TMEM8B: variants seen among roughly 807,000 people sequenced by gnomAD.
TMEM8B encodes nasopharyngeal carcinoma expressed 6.
In TMEM8B, 29 loss-of-function variants were observed where a neutral mutation model predicts 49.3. That is an observed-to-expected ratio of 0.59 (90% confidence interval 0.44 to 0.80). The LOEUF is 0.80. Ranked by LOEUF, TMEM8B falls within the 30% of genes least tolerant of loss-of-function variation. The pLI is 0.00. For missense variants in TMEM8B, 575 were observed against 658.5 expected, an observed-to-expected ratio of 0.87 and a Z score of 1.39; for synonymous variants, 264 against 272.8, an observed-to-expected ratio of 0.97 and a Z score of 0.32.
In TMEM8B at chr9:35,842,536, A is replaced by G; in HGVS notation, c.1454A>G (p.Glu485Gly). ...AEGPGTTSPP[E>G]HCWPVRPTLR... ...GGGCCTGGGACCACGTCCCCACCCG[A>G]GCACTGCTGGCCAGTGCGCCCGACT... The change falls in exon 6 of 13, where the codon GAG (glutamate) becomes GGG (glycine). Residue 485 changes from glutamate to glycine, a missense_variant. Glu to Gly is a moderately conservative substitution (Grantham distance 98, BLOSUM62 -2). Transcript: ENST00000643932. The surrounding 1 kb of genome is among the most constrained non-coding windows in gnomAD (Gnocchi z 5.6). 6.2e-7 allele frequency: 1 copy of G among 1,614,090 alleles called. No individual in the cohort carries two copies. The highest frequency in any genetic ancestry group is 1.1e-5 in the South Asian group (1 of 91,066).
intron 3 of TMEM8B, among the ~76,000 whole-genome samples, chr9:35,840,203 G>A (rs1830835067): frequency 6.6e-6 from 1 of 152,222 alleles, no homozygotes; most frequent in Admixed American, 6.5e-5. Context: ...AGGAGCTGGG[G>A]ATTTTCTCCA....
intron 10 of TMEM8B, among the ~76,000 whole-genome samples, chr9:35,847,950 CCATGTGACATG>C: frequency 6.6e-6 from 1 of 152,324 alleles, no homozygotes; most frequent in East Asian, 1.9e-4. Flanking sequence ...GCTCTTGGCA[CCATGTGACATG>C]CATGTGAGCA....
intron 2 of TMEM8B, 26 bp downstream of exon 2, chr9:35,834,676 C>T: frequency 2.4e-6 from 1 of 415,662 alleles, no homozygotes; most frequent in East Asian, 3.6e-5. Flanking sequence ...AATTTCCCAA[C>T]CCCACTTCCA....
At chr9:35,850,721 G>A (rs1483019143) in intron 10 of TMEM8B, among the ~76,000 whole-genome samples, 1 of 152,130 alleles carries the variant, frequency 6.6e-6, no homozygotes, top group Non-Finnish European at 1.5e-5. Context: ...TCAATGTTTA[G>A]TGATTCAGCT....
intron 6 of TMEM8B, chr9:35,845,300 C>A: frequency 1.4e-6 from 1 of 714,184 alleles, no homozygotes; most frequent in Non-Finnish European, 1.7e-6. Context: ...CTTTATTTTC[C>A]TGTCCTGATT....
In TMEM8B at chr9:35,861,815, A is replaced by T. The variant is rs1486089970; in HGVS notation, c.*7975A>T. ...ATCATCAGCTACAGGTGCCTCCTCTATCTACAGGTTCCTGCTCCATCTATA... is the reference window on the plus strand; with the variant it reads ...ATCATCAGCTACAGGTGCCTCCTCTTTCTACAGGTTCCTGCTCCATCTATA... On this transcript the variant is annotated 3_prime_UTR_variant, in exon 13 of 13. Coordinates refer to ENST00000643932, the MANE Select transcript of TMEM8B (RefSeq NM_001042590.4). 2.0e-5 allele frequency: 3 copies of T among 152,210 alleles called. No homozygotes were observed. Among genetic ancestry groups the T allele is most frequent in the Non-Finnish European group, 1.5e-5 (1 of 68,068 alleles). 9.4% of individuals were successfully genotyped at this position (152,210 alleles called of 1,614,324 possible).
In TMEM8B at chr9:35,856,200, C is replaced by T. The variant is rs1042764068; in HGVS notation, c.*2360C>T. On this transcript the variant is annotated 3_prime_UTR_variant, in exon 13 of 13. Transcript: ENST00000643932. ...TCCCTTCCCTGAGATTTTCATCACTCCCTGTGGTCTTCAGTCAGTAAAGCT... is the reference window on the plus strand; with the variant it reads ...TCCCTTCCCTGAGATTTTCATCACTTCCTGTGGTCTTCAGTCAGTAAAGCT... 1.3e-5 allele frequency: 2 copies of T among 152,232 alleles called. No homozygotes were observed. The highest frequency in any genetic ancestry group is 1.3e-4 in the Admixed American group (2 of 15,286). 9.4% of individuals were successfully genotyped at this position (152,232 alleles called of 1,614,324 possible).
In TMEM8B at chr9:35,865,338, G is replaced by A. The variant is rs2132435914; in HGVS notation, c.*11498G>A. 1 of 152,272 alleles carries A rather than the reference G, an allele frequency of 6.6e-6. No homozygotes were observed. Among genetic ancestry groups the A allele is most frequent in the Non-Finnish European group, 1.5e-5 (1 of 68,030 alleles). 9.4% of individuals were successfully genotyped at this position (152,272 alleles called of 1,614,324 possible). ...GTGGGAGACACCGAGTACAGGCGAG[G>A]GACTTTATTAGGTCAGGGATTTAAT... On this transcript the variant is annotated 3_prime_UTR_variant, in exon 13 of 13. Coordinates refer to ENST00000643932, the MANE Select transcript of TMEM8B (RefSeq NM_001042590.4).
In TMEM8B at chr9:35,852,879, ACG is replaced by A; in HGVS notation, c.2229_2230del (p.Tyr743Ter). On this transcript the variant is annotated stop_gained and frameshift_variant, in exon 11 of 13. Transcript: ENST00000643932. LOFTEE classifies it high-confidence loss of function. The stretch of plus-strand genomic sequence containing the variant: ...ATCGTGGTTTTCTGCATCATGGACT[ACG>A]ATGTGCTGCAGTTCTGTGATTTCCT... 6.2e-7 allele frequency: 1 copy of A among 1,614,094 alleles called. No homozygotes were observed.
chr9:35,861,463 G>A lies in TMEM8B; in HGVS notation c.*7623G>A, dbSNP rs1832652755. 1 of 152,932 alleles carries A rather than the reference G, an allele frequency of 6.5e-6. No individual in the cohort carries two copies. Among genetic ancestry groups the A allele is most frequent in the South Asian group, 2.1e-4 (1 of 4,836 alleles). 9.5% of individuals were successfully genotyped at this position (152,932 alleles called of 1,614,324 possible). Reference sequence around the variant, plus strand: ...CCACTGCCCTTGGCCATCCCTCTGTGTCATTGTGCGCTGTGGTGCACCTGT... The same window carrying A: ...CCACTGCCCTTGGCCATCCCTCTGTATCATTGTGCGCTGTGGTGCACCTGT... On this transcript the variant is annotated 3_prime_UTR_variant, in exon 13 of 13. Coordinates refer to ENST00000643932, the MANE Select transcript of TMEM8B (RefSeq NM_001042590.4).
rs377460934 is a variant in TMEM8B, at chr9:35,834,031, TACACACACACACACAC to T, written c.509-405_509-390del. Reference sequence around the variant, plus strand: ...AGTGGCTTAAGACGCCATGCCAAAATACACACACACACACACACACACACACACACACACACACACC... The same window carrying T: ...AGTGGCTTAAGACGCCATGCCAAAATACACACACACACACACACACACACC... On this transcript the variant is annotated intron_variant, in intron 1 of 12. Transcript: ENST00000643932. Among the ~76,000 whole-genome samples the T allele has an allele frequency of 7.2e-5, 10 of 138,408 alleles. No individual in the cohort carries two copies. In the South Asian group the frequency reaches 7.4e-4, roughly 10 times the overall value. 90.8% of individuals were successfully genotyped at this position (138,408 alleles called of 152,430 possible).
chr9:35,842,533 C>T lies in TMEM8B; in HGVS notation c.1451C>T (p.Pro484Leu). 1 of 1,614,092 alleles carries T rather than the reference C, an allele frequency of 6.2e-7. No homozygotes were observed. Among genetic ancestry groups the T allele is most frequent in the Non-Finnish European group, 8.5e-7 (1 of 1,179,994 alleles). ...PAEGPGTTSPPEHCWPVRPTL... is the reference protein window; with the variant it reads ...PAEGPGTTSPLEHCWPVRPTL... ...GAGGGGCCTGGGACCACGTCCCCAC[C>T]CGAGCACTGCTGGCCAGTGCGCCCG... The change falls in exon 6 of 13, where the codon CCC becomes CTC. Residue 484 changes from proline (P) to leucine (L), a missense_variant. By Grantham distance (98) the Pro-to-Leu change is moderately conservative. Transcript: ENST00000643932. The surrounding 1 kb of genome is among the most constrained non-coding windows in gnomAD (Gnocchi z 5.6).
intron 10 of TMEM8B, among the ~76,000 whole-genome samples, chr9:35,848,679 T>TTC (rs1831854477): frequency 6.7e-6 from 1 of 149,330 alleles, no homozygotes; most frequent in Non-Finnish European, 1.5e-5. Context: ...TTTTTTCTTT[T>TTC]TTTTTTTTTT....
rs1397585145 is a variant in TMEM8B, at chr9:35,829,251, C to G, written c.-197C>G. On this transcript the variant is annotated 5_prime_UTR_variant, in exon 1 of 13. Transcript: ENST00000643932. ...TCACGCCGACGTCAAGTCGAGGCCG[C>G]CGCCGCGGGGCCTGGTTATCGCCGG... The G allele has an allele frequency of 5.7e-6, 2 of 350,906 alleles. No individual in the cohort carries two copies. Among genetic ancestry groups the G allele is most frequent in the Non-Finnish European group, 1.0e-5 (2 of 194,586 alleles). The allele number at this position is 350,906 out of a possible 1,614,324, so 21.7% of individuals were successfully genotyped here.
chr9:35,862,583 ACACCTGCTGCAG>A lies in TMEM8B; in HGVS notation c.*8745_*8756del, dbSNP rs1433099033. On this transcript the variant is annotated 3_prime_UTR_variant, in exon 13 of 13. Transcript: ENST00000643932. ...CTTGCCTCCACCGCATCCCTCATGCACACCTGCTGCAGCCTCATCAGACCACTCCCTGTCTTT... is the reference window on the plus strand; with the variant it reads ...CTTGCCTCCACCGCATCCCTCATGCACCTCATCAGACCACTCCCTGTCTTT... 1 of 152,340 alleles carries A rather than the reference ACACCTGCTGCAG, an allele frequency of 6.6e-6. No individual in the cohort carries two copies. The highest frequency in any genetic ancestry group is 1.5e-5 in the Non-Finnish European group (1 of 68,158). 9.4% of individuals were successfully genotyped at this position (152,340 alleles called of 1,614,324 possible). A position where few individuals can be genotyped will look rare whatever the true frequency, so the allele number is the denominator to read the frequency against.
chr9:35,841,406 C>T lies in TMEM8B; in HGVS notation c.1041-120C>T, dbSNP rs558762676. The T allele has an allele frequency of 2.9e-5, 12 of 411,242 alleles. No homozygotes were observed. Among genetic ancestry groups the T allele is most frequent in the East Asian group, 1.8e-4 (5 of 28,078 alleles). The allele number at this position is 411,242 out of a possible 1,614,324, so 25.5% of individuals were successfully genotyped here. A position where few individuals can be genotyped will look rare whatever the true frequency, so the allele number is the denominator to read the frequency against. On this transcript the variant is annotated intron_variant, in intron 4 of 12. Coordinates refer to ENST00000643932, the MANE Select transcript of TMEM8B (RefSeq NM_001042590.4). This position sits in a 1 kb window ranked among gnomAD's most constrained non-coding sequence, Gnocchi z 5.9. ...TGCCTCCCTCCCTCCCAGCACAGAG[C>T]GGGAGACCTGAACAGGCCTCCTTCC...
rs1287086519 is a variant in TMEM8B, at chr9:35,835,839, G to T, written c.906+621G>T. Among the ~76,000 whole-genome samples, 3 of 152,222 alleles carry T rather than the reference G, an allele frequency of 2.0e-5. No homozygotes were observed. In the East Asian group the frequency reaches 5.8e-4, roughly 29 times the overall value. On this transcript the variant is annotated intron_variant, in intron 3 of 12. Coordinates refer to ENST00000643932, the MANE Select transcript of TMEM8B (RefSeq NM_001042590.4). ...CCCAAGCACTTATTTCACAGAGGTT[G>T]TTAAAGACTGAAGGGCAGGTTCAAA... is the stretch of plus-strand genomic sequence containing the variant.
rs561158035 is a variant in TMEM8B, at chr9:35,859,620, C to T, written c.*5780C>T. 1.2e-3 allele frequency: 193 copies of T among 163,150 alleles called. 1 individual carries two copies. The highest frequency in any genetic ancestry group is 1.7e-3 in the Non-Finnish European group (122 of 69,836). 10.1% of individuals were successfully genotyped at this position (163,150 alleles called of 1,614,324 possible). A position where few individuals can be genotyped will look rare whatever the true frequency, so the allele number is the denominator to read the frequency against. ...AAGCGGCTGGCAGATAGCCACATAA[C>T]GGTCATATGCCATCACAGCCAGCAG... On this transcript the variant is annotated 3_prime_UTR_variant, in exon 13 of 13. Transcript: ENST00000643932.
At chr9:35,832,042 T>C (rs1829952028) in intron 1 of TMEM8B, among the ~76,000 whole-genome samples, 1 of 152,180 alleles carries the variant, frequency 6.6e-6, no homozygotes, top group African/African-American at 2.4e-5. Flanking sequence ...TCCTGATCCT[T>C]GGATCTTTTC....
Sources: allele counts gnomAD v4.1 joint callset (sites outside exome capture counted in the v4.1 genomes callset), GRCh38; gene constraint gnomAD v4.1.1; non-coding constraint Gnocchi (gnomAD v3.1); transcripts MANE v1.5; gene names NCBI Gene and HGNC (gene_info 2026-07-23, HGNC 2026-07-21).